APBA2: variants seen among roughly 807,000 people sequenced by gnomAD.
APBA2 encodes the protein amyloid-beta A4 precursor protein-binding family A member 2.
In APBA2, 30 loss-of-function variants were observed where a neutral mutation model predicts 75.0. The ratio of observed to expected loss-of-function variants is 0.40; its 90% confidence interval spans 0.30 to 0.54. The LOEUF is 0.54. Ranked by LOEUF, APBA2 falls within the 20% of genes least tolerant of loss-of-function variation. The pLI is 0.49. For synonymous variants in APBA2, 444 were observed against 409.6 expected, an observed-to-expected ratio of 1.08 and a Z score of -1.01; for missense variants, 801 against 1,016.1, an observed-to-expected ratio of 0.79 and a Z score of 2.88.
At chr15:29,109,280 T>G (rs58457501) in intron 13 of APBA2, among the ~76,000 whole-genome samples, 9,609 of 152,150 alleles carry the variant, frequency 0.063, 1,023 homozygotes, top group African/African-American at 0.22. Flanking sequence ...GCATGGAGGG[T>G]TACACCCACC....
intron 2 of APBA2, among the ~76,000 whole-genome samples, chr15:28,979,265 C>T (rs963421039): frequency 4.6e-5 from 7 of 152,184 alleles, no homozygotes; most frequent in East Asian, 3.9e-4. Context: ...TTGCCATTCT[C>T]TTCTGTCCCT....
At chr15:28,915,377 C>T (rs1746921302) in intron 1 of APBA2, among the ~76,000 whole-genome samples, 1 of 145,380 alleles carries the variant, frequency 6.9e-6, no homozygotes, top group Non-Finnish European at 1.5e-5. Context: ...ACCTCACACA[C>T]ACCATGCCCA....
chr15:28,892,115 C>A (rs955539675), intron 1 of APBA2, among the ~76,000 whole-genome samples: 2 of 152,152 alleles, frequency 1.3e-5, no homozygotes, highest in Admixed American at 1.3e-4. Context: ...CGCCCTGTCA[C>A]CCAGGCTGGA....
chr15:28,947,704 C>G (rs1156954060), intron 2 of APBA2, among the ~76,000 whole-genome samples: 3 of 152,156 alleles, frequency 2.0e-5, no homozygotes, highest in African/African-American at 7.2e-5. Context: ...AGAACTAAGC[C>G]TTAAAATCAG....
At chr15:28,933,789 G>A (rs1198422211) in intron 2 of APBA2, among the ~76,000 whole-genome samples, 2 of 152,202 alleles carry the variant, frequency 1.3e-5, no homozygotes, top group African/African-American at 4.8e-5. Flanking sequence ...GGCCCAGCAG[G>A]GACTGAGGGT....
intron 4 of APBA2, among the ~76,000 whole-genome samples, chr15:29,061,991 C>T (rs2042148844): frequency 6.6e-6 from 1 of 152,162 alleles, no homozygotes; most frequent in African/African-American, 2.4e-5. Flanking sequence ...GGGGCTTGCA[C>T]TGCGCCCAGG....
At chr15:29,038,665 A>AT (rs67217686) in intron 3 of APBA2, among the ~76,000 whole-genome samples, 8,313 of 105,390 alleles carry the variant, frequency 0.079, 620 homozygotes, top group East Asian at 0.18. Context: ...ATATGCAGGC[A>AT]TTTTTTTTTT....
rs770137064 is a variant in APBA2 at position 29,054,448 on chromosome 15, C to T, written c.564C>T (p.Ala188=). The change falls in exon 4 of 15, where the codon GCC becomes GCT. Residue 188 remains alanine (A), a synonymous_variant. Transcript: ENST00000683413. The surrounding 1 kb of genome is among the most constrained non-coding windows in gnomAD (Gnocchi z 6.1). ...AGGAAGAAGATGGTCACTACTGTGC[C>T]AGCAAAGAGGGCTACCAGGACTACT... ...HDQEEDGHYC[A]SKEGYQDYYP... is the part of the protein sequence containing the mutation. 3.1e-6 allele frequency: 5 copies of T among 1,614,036 alleles called. No individual in the cohort carries two copies. In the East Asian group the frequency reaches 8.9e-5, roughly 29 times the overall value.
Position 29,117,047 on chromosome 15 carries a change from T to G in APBA2, c.2179-15T>G, listed in dbSNP as rs1228697804. On this transcript the variant is annotated splice_polypyrimidine_tract_variant and intron_variant, in intron 14 of 14. Transcript: ENST00000683413. ...GTGGGAGGGCAGCGGCTCAGCCTCCTGTTTCTGTCCGCAGATCCACATGAA... is the reference window on the plus strand; with the variant it reads ...GTGGGAGGGCAGCGGCTCAGCCTCCGGTTTCTGTCCGCAGATCCACATGAA... 1 of 1,612,948 alleles carries G rather than the reference T, an allele frequency of 6.2e-7. No individual in the cohort carries two copies. The highest frequency in any genetic ancestry group is 1.7e-5 in the Admixed American group (1 of 60,030).
At chr15:28,948,817 C>T (rs1053582631) in intron 2 of APBA2, among the ~76,000 whole-genome samples, 2 of 151,910 alleles carry the variant, frequency 1.3e-5, no homozygotes, top group African/African-American at 4.8e-5. Flanking sequence ...GAATGAGCCA[C>T]ATGGTGGAAT....
intron 1 of APBA2, among the ~76,000 whole-genome samples, chr15:28,887,406 G>A (rs2031818220): frequency 6.6e-6 from 1 of 152,196 alleles, no homozygotes; most frequent in Non-Finnish European, 1.5e-5. Flanking sequence ...GTTGAAGTGG[G>A]ACGAGTTTTC....
intron 2 of APBA2, among the ~76,000 whole-genome samples, chr15:28,986,306 G>A (rs2037926129): frequency 6.6e-6 from 1 of 152,096 alleles, no homozygotes; most frequent in South Asian, 2.1e-4. Context: ...TCACTAGTTG[G>A]TTAATGTGAC....
rs568521230 is a variant in APBA2 at position 28,967,685 on chromosome 15, G to A, written c.-94-28068G>A. 4.9e-4 allele frequency among the ~76,000 whole-genome samples: 74 copies of A among 152,188 alleles called. 1 individual carries two copies. The highest frequency in any genetic ancestry group is 1.8e-3 in the African/African-American group (74 of 41,520). ...GATCTCCTAACCTCATGATCCACCC[G>A]CCTCGGCCTCCCAAAGTGCTAGGAT... On this transcript the variant is annotated intron_variant, in intron 2 of 14. Transcript: ENST00000683413.
chr15:29,017,397 C>CTTTTTTTTTTTTTTTTTTTTT (rs56993296), intron 3 of APBA2, among the ~76,000 whole-genome samples: 4 of 102,058 alleles, frequency 3.9e-5, no homozygotes, highest in Non-Finnish European at 7.2e-5. Flanking sequence ...TTCTTTCTTT[C>CTTTTTTTTTTTTTTTTTTTTT]TTTTTTTTTT....
chr15:28,972,835 C>T (rs1232988679), intron 2 of APBA2, among the ~76,000 whole-genome samples: 1 of 152,146 alleles, frequency 6.6e-6, no homozygotes, highest in Non-Finnish European at 1.5e-5. Flanking sequence ...TCACTGTGAT[C>T]CAACACTTTT....
intron 2 of APBA2, among the ~76,000 whole-genome samples, chr15:28,923,544 C>T (rs1009527070): frequency 2.2e-5 from 3 of 138,688 alleles, no homozygotes; most frequent in Admixed American, 1.6e-4. Flanking sequence ...AGCCTCCTGC[C>T]CTGGGGGTGG....
At chr15:28,952,602 G>A (rs565566858) in intron 2 of APBA2, among the ~76,000 whole-genome samples, 2 of 152,316 alleles carry the variant, frequency 1.3e-5, no homozygotes, top group South Asian at 4.1e-4. Context: ...AGCCTTCCAT[G>A]AGCATGCCTC....
Position 29,038,665 on chromosome 15 carries a change from ATTTTTTTTT to A in APBA2, c.-40-15164_-40-15156del, listed in dbSNP as rs67217686. On this transcript the variant is annotated intron_variant, in intron 3 of 14. Coordinates refer to ENST00000683413, the MANE Select transcript of APBA2 (RefSeq NM_001353788.2). ...ATTTGGCTCTGTCCTATATGCAGGC[ATTTTTTTTT>A]TTTTTTTTTTTTTTTCTGAGACGAA... 2.7e-3 allele frequency among the ~76,000 whole-genome samples: 284 copies of A among 105,460 alleles called. 1 individual carries two copies. The highest frequency in any genetic ancestry group is 0.01 in the African/African-American group (273 of 27,164). 69.2% of individuals were successfully genotyped at this position (105,460 alleles called of 152,430 possible). A position where few individuals can be genotyped will look rare whatever the true frequency, so the allele number is the denominator to read the frequency against.
intron 2 of APBA2, among the ~76,000 whole-genome samples, chr15:28,959,013 A>G (rs564978989): frequency 6.6e-6 from 1 of 152,178 alleles, no homozygotes; most frequent in Admixed American, 6.5e-5. Context: ...TTTTTGATAC[A>G]GAATCTCCCT....
Sources: allele counts gnomAD v4.1 joint callset (sites outside exome capture counted in the v4.1 genomes callset), GRCh38; gene constraint gnomAD v4.1.1; non-coding constraint Gnocchi (gnomAD v3.1); transcripts MANE v1.5; gene names NCBI Gene and HGNC (gene_info 2026-07-23, HGNC 2026-07-21).